Variants in NXN observed in about 807,000 individuals in gnomAD.
The protein encoded by NXN is nucleoredoxin 1.
NXN carries 16 observed loss-of-function variants against 48.6 expected under a neutral mutation model. The ratio of observed to expected loss-of-function variants is 0.33; its 90% CI spans 0.22 to 0.50. The LOEUF (loss-of-function observed/expected upper bound fraction) is 0.50. Ranked by LOEUF, NXN falls within the 20% of genes least tolerant of loss-of-function variation. The pLI is 0.98. For synonymous variants in NXN, 281 were observed against 269.6 expected, an observed-to-expected ratio of 1.04 and a Z score of -0.41; for missense variants, 492 against 605.5, an observed-to-expected ratio of 0.81 and a Z score of 1.97.
chr17:951,556 G>C (rs2069110853), intron 1 of NXN, among the ~76,000 whole-genome samples: 1 of 150,942 alleles, frequency 6.6e-6, no homozygotes, highest in Non-Finnish European at 1.5e-5. Flanking sequence ...AAAAATGCGA[G>C]CTGGGGGCGG....
intron 1 of NXN, among the ~76,000 whole-genome samples, chr17:881,187 C>A (rs1394047739): frequency 6.6e-6 from 1 of 152,192 alleles, no homozygotes; most frequent in Non-Finnish European, 1.5e-5. Flanking sequence ...AGTATCAAAC[C>A]CGGGTGAGGA....
Position 826,028 on chromosome 17 carries a change from G to A in NXN, c.411C>T (p.Phe137=). 5 of 1,614,066 alleles carry A rather than the reference G, an allele frequency of 3.1e-6. No homozygotes were observed. Among genetic ancestry groups the A allele is most frequent in the Non-Finnish European group, 4.2e-6 (5 of 1,179,956 alleles). The change falls in exon 2 of 8, where the codon TTC becomes TTT. Residue 137 remains phenylalanine (F), a synonymous_variant. Transcript: ENST00000336868. ...CAACCTTCCCAGTGGTGGCGTCGAG[G>A]AATATTAGTGATGGAATGTTGGAAA... ...YRISNIPSLI[F]LDATTGKVVC... is the part of the protein sequence containing the mutation.
chr17:921,127 C>T (rs1188581248), intron 1 of NXN, among the ~76,000 whole-genome samples: 7 of 152,270 alleles, frequency 4.6e-5, no homozygotes, highest in East Asian at 3.9e-4. Context: ...GAGAGTTAGA[C>T]GGGACGGCGT....
At position 827,593 on chromosome 17, in the gene NXN, A is replaced by T. The variant is rs533609124; in HGVS notation, c.361-1515T>A. 6.6e-5 allele frequency among the ~76,000 whole-genome samples: 10 copies of T among 152,382 alleles called. No individual in the cohort carries two copies. In the East Asian group the frequency reaches 1.7e-3, roughly 26 times the overall value. On this transcript the variant is annotated intron_variant, in intron 1 of 7. Coordinates refer to ENST00000336868, the MANE Select transcript of NXN (RefSeq NM_022463.5). ...AGCCAGGATCACACCACTGCACTCC[A>T]GCCTGGGTGACAGAGTGAGACTCCG...
chr17:841,406 C>CT (rs1914193262), intron 1 of NXN, among the ~76,000 whole-genome samples: 1 of 122,122 alleles, frequency 8.2e-6, no homozygotes, highest in Non-Finnish European at 2.0e-5. Context: ...CGAGCAGGTC[C>CT]CCCCTGACCA....
chr17:882,801 C>T (rs968174068), intron 1 of NXN, among the ~76,000 whole-genome samples: 3 of 152,084 alleles, frequency 2.0e-5, no homozygotes, highest in African/African-American at 2.4e-5. Context: ...CTTGCTCTGT[C>T]GCCCAGGCTG....
chr17:871,624 C>T (rs898640654), intron 1 of NXN, among the ~76,000 whole-genome samples: 1 of 151,854 alleles, frequency 6.6e-6, no homozygotes, highest in Admixed American at 6.6e-5. Context: ...AGGCTGGTCT[C>T]GAACTCCTGA....
chr17:868,592 C>T (rs561250653), intron 1 of NXN, among the ~76,000 whole-genome samples: 8 of 152,140 alleles, frequency 5.3e-5, no homozygotes, highest in African/African-American at 1.4e-4. Context: ...CCCGGGTTCA[C>T]GCCATTCTCC....
rs752398947 is a variant in NXN, at chr17:805,170, C to T, written c.898G>A (p.Glu300Lys). The T allele has an allele frequency of 9.9e-6, 16 of 1,610,196 alleles. No homozygotes were observed. Among genetic ancestry groups the T allele is most frequent in the Admixed American group, 3.3e-5 (2 of 59,758 alleles). Residue 300 changes from glutamate (E) to lysine (K), a missense_variant, in exon 6 of 8, where the codon GAG (glutamate) becomes AAG (lysine). Glu to Lys is a moderately conservative substitution (Grantham distance 56). Around this residue, in one of 3 missense-constraint regions of NXN, gnomAD observed 303 missense variants for 388.3 expected, o/e 0.78. Transcript: ENST00000336868. The stretch of plus-strand genomic sequence containing the variant: ...TGCCAGGGGAACTCCCGGCAGTCCT[C>T]GTCGTTCAGCACCTCCACCCGCCCC... ...RQGRVEVLND[E>K]DCREFPWHPK...
intron 1 of NXN, among the ~76,000 whole-genome samples, chr17:863,285 A>C (rs374282807): frequency 1.3e-5 from 2 of 152,242 alleles, no homozygotes; most frequent in Admixed American, 6.5e-5. Context: ...CTCCTACCTC[A>C]GCCTCCTGAG....
chr17:844,834 C>T (rs150683941), intron 1 of NXN, among the ~76,000 whole-genome samples: 262 of 152,184 alleles, frequency 1.7e-3, no homozygotes, highest in African/African-American at 6.0e-3. Flanking sequence ...CTGCCCGCCT[C>T]GGCCTCCCAA....
At chr17:931,048 C>T (rs935876943) in intron 1 of NXN, among the ~76,000 whole-genome samples, 3 of 152,074 alleles carry the variant, frequency 2.0e-5, no homozygotes, top group Admixed American at 2.0e-4. Context: ...GGATTACAGG[C>T]GTGAGCCACC....
intron 1 of NXN, among the ~76,000 whole-genome samples, chr17:963,793 CT>C (rs1291083300): frequency 6.6e-6 from 1 of 152,098 alleles, no homozygotes; most frequent in Admixed American, 6.5e-5. Context: ...AAATAAAATG[CT>C]GGGCCGGGCG....
chr17:865,420 T>C (rs1283827328), intron 1 of NXN, among the ~76,000 whole-genome samples: 1 of 151,854 alleles, frequency 6.6e-6, no homozygotes, highest in East Asian at 2.0e-4. Context: ...TTTTGTATTT[T>C]TAGGAGAGAC....
intron 1 of NXN, among the ~76,000 whole-genome samples, chr17:831,172 C>G (rs56360308): frequency 0.048 from 7,230 of 152,014 alleles, 208 homozygotes; most frequent in Middle Eastern, 0.14. Flanking sequence ...AATGTAGTTG[C>G]CCCTTGGCTG....
At chr17:847,744 C>T (rs1220217903) in intron 1 of NXN, among the ~76,000 whole-genome samples, 1 of 151,906 alleles carries the variant, frequency 6.6e-6, no homozygotes, top group Non-Finnish European at 1.5e-5. Flanking sequence ...TAAGTAACAG[C>T]AGGGAGAGAG....
At chr17:861,425 C>T (rs138830404) in intron 1 of NXN, among the ~76,000 whole-genome samples, 4,137 of 152,080 alleles carry the variant, frequency 0.027, 79 homozygotes, top group Non-Finnish European at 0.037. Context: ...TGAGCCGCCG[C>T]GCCTGACCAT....
chr17:898,129 T>C (rs2257159), intron 1 of NXN, among the ~76,000 whole-genome samples: 45,968 of 152,046 alleles, frequency 0.3, 7,449 homozygotes, highest in African/African-American at 0.44. Context: ...GTTCCTGTCT[T>C]CATGGGGCTC....
chr17:853,738 T>C lies in NXN; in HGVS notation c.361-27660A>G, dbSNP rs1308803104. 4.7e-4 allele frequency among the ~76,000 whole-genome samples: 67 copies of C among 143,618 alleles called. 2 individuals are homozygous for C. The highest frequency in any genetic ancestry group is 1.5e-3 in the South Asian group (7 of 4,564). 94.2% of individuals were successfully genotyped at this position (143,618 alleles called of 152,430 possible). ...ATATATATATATTTTTTTTTTTTTT[T>C]CCAAGACGGAGTCTCACTCTGTCGC... On this transcript the variant is annotated intron_variant, in intron 1 of 7. Transcript: ENST00000336868.
Sources: allele counts gnomAD v4.1 joint callset (sites outside exome capture counted in the v4.1 genomes callset), GRCh38; gene constraint gnomAD v4.1.1; regional missense constraint gnomAD v4.1.1; transcripts MANE v1.5; gene names NCBI Gene and HGNC (gene_info 2026-07-23, HGNC 2026-07-21).